Variants in MAMDC4 observed in about 807,000 individuals in gnomAD.
MAMDC4 encodes MAM domain containing 4.
In MAMDC4, 168 loss-of-function variants were observed where a neutral mutation model predicts 153.3. The observed-to-expected ratio is 1.10, with a 90% CI of 0.97 to 1.25. MAMDC4 has a LOEUF of 1.25. MAMDC4 is among the 50% of genes most tolerant of loss of function. The pLI is 0.00. For synonymous variants in MAMDC4, 744 were observed against 651.5 expected (o/e 1.14, Z -2.16); for missense variants, 1,701 against 1,542.8 (o/e 1.10, Z -1.72).
In MAMDC4 at chr9:136,854,002, C is replaced by T. The variant is rs771232486; in HGVS notation, c.596C>T (p.Ser199Phe). Residue 199 changes from serine to phenylalanine, a missense_variant, in exon 6 of 27, where the codon TCT becomes TTT. Physicochemically the swap from Ser to Phe is radical, Grantham distance 155. Transcript: ENST00000317446. ...GCCTGTTCTCTTCAGGTGACCTTCT[C>T]TGCCACCCGAAATGCCACCCACAGG... ...RIRGDFRVTF[S>F]ATRNATHRGA... 21 of 1,612,992 alleles carry T rather than the reference C, an allele frequency of 1.3e-5. No individual in the cohort carries two copies. In the South Asian group the frequency reaches 2.1e-4, roughly 16 times the overall value.
chr9:136,859,287 C>A lies in MAMDC4; in HGVS notation c.3163C>A (p.Gln1055Lys). ...ALDDVEYLAG[Q>K]HCQQPAPSPG... ...GGATGACGTGGAGTATCTGGCTGGG[C>A]AGCATTGCCAGCAGCCTGCCCCCAG... is the stretch of plus-strand genomic sequence containing the variant. Residue 1055 changes from glutamine (Q) to lysine (K), a missense_variant, in exon 25 of 27, where the codon CAG (glutamine) becomes AAG (lysine). Transcript: ENST00000317446. The A allele has an allele frequency of 4.3e-6, 7 of 1,611,598 alleles. No homozygotes were observed. The highest frequency in any genetic ancestry group is 5.9e-6 in the Non-Finnish European group (7 of 1,179,316).
chr9:136,857,092 TCA>T (rs1227329748), intron 16 of MAMDC4, 51 bp downstream of exon 16: 2 of 1,603,242 alleles, frequency 1.2e-6, no homozygotes, highest in African/African-American at 2.7e-5. Context: ...CCCCGGGGGT[TCA>T]GAGTCCCCCG....
Position 136,856,224 on chromosome 9 carries a change from G to A in MAMDC4, c.1720+75G>A, listed in dbSNP as rs748725994. 3.7e-6 allele frequency: 6 copies of A among 1,606,132 alleles called. No individual in the cohort carries two copies. In the South Asian group the frequency reaches 5.5e-5, roughly 15 times the overall value. On this transcript the variant is annotated intron_variant, in intron 14 of 26. Coordinates refer to ENST00000317446, the MANE Select transcript of MAMDC4 (RefSeq NM_206920.3). ...CACAGTGGGAGGGGTCTGGGGCCGG[G>A]TGACCCACAGTGCCCCCCGCCCCGC...
rs1848974647 is a variant in MAMDC4 at position 136,854,543 on chromosome 9, C to G, written c.801C>G (p.Arg267=). The G allele has an allele frequency of 6.2e-7, 1 of 1,604,398 alleles. No homozygotes were observed. The change falls in exon 8 of 27, where the codon CGC becomes CGG. Residue 267 remains arginine (R), a synonymous_variant. Transcript: ENST00000317446. ...LSDENPLTCG[R]HIATDFETGL... is the part of the protein sequence containing the mutation. ...CACGCCCACCTCCTGCCCTAGGCCG[C>G]CACATAGCCACCGACTTTGAGACAG...
At position 136,853,894 on chromosome 9, in the gene MAMDC4, G is replaced by A. The variant is rs144512925; in HGVS notation, c.572G>A (p.Arg191Gln). Residue 191 changes from arginine to glutamine, a missense_variant, in exon 5 of 27, where the codon CGG becomes CAG. Coordinates refer to ENST00000317446, the MANE Select transcript of MAMDC4 (RefSeq NM_206920.3). ...TTGGCAGTGACCACAGGCCGCATCC[G>A]GGGTGACTTCCGAGTGAGCTGGGAG... ...QELAVTTGRI[R>Q]GDFRVTFSAT... 536 of 1,612,586 alleles carry A rather than the reference G, an allele frequency of 3.3e-4. No individual in the cohort carries two copies. Among genetic ancestry groups the A allele is most frequent in the East Asian group, 9.8e-4 (44 of 44,872 alleles).
At position 136,860,696 on chromosome 9, in the gene MAMDC4, G is replaced by A. The variant is rs1849079005; in HGVS notation, c.*93G>A. The A allele has an allele frequency of 7.0e-7, 1 of 1,432,270 alleles. No homozygotes were observed. Among genetic ancestry groups the A allele is most frequent in the African/African-American group, 1.4e-5 (1 of 70,926 alleles). 88.7% of individuals were successfully genotyped at this position (1,432,270 alleles called of 1,614,324 possible). ...CGGACACCTGCCCCGCCCAGGCTGG[G>A]ACAGGCTGCAGGTCTCAGGATATGC... On this transcript the variant is annotated 3_prime_UTR_variant, in exon 27 of 27. Coordinates refer to ENST00000317446, the MANE Select transcript of MAMDC4 (RefSeq NM_206920.3).
chr9:136,857,946 C>T, intron 19 of MAMDC4, 33 bp from the exon 20 acceptor site: 1 of 1,482,520 alleles, frequency 6.7e-7, no homozygotes, highest in Non-Finnish European at 8.9e-7. Context: ...GTGCTCTCCC[C>T]ACACTGCTGA....
chr9:136,855,590 G>A lies in MAMDC4; in HGVS notation c.1442G>A (p.Cys481Tyr). The change falls in exon 12 of 27, where the codon TGC becomes TAC. Residue 481 changes from cysteine (C) to tyrosine (Y), a missense_variant. Cys to Tyr is a radical substitution (Grantham distance 194). Coordinates refer to ENST00000317446, the MANE Select transcript of MAMDC4 (RefSeq NM_206920.3). ...PEQLCDFEEQCAGGEDEQACG... is the reference protein window; with the variant it reads ...PEQLCDFEEQYAGGEDEQACG... ...CAACTGTGTGACTTCGAGGAGCAGTGCGCAGGGGGCGAGGACGAGCAGGCC... is the reference window on the plus strand; with the variant it reads ...CAACTGTGTGACTTCGAGGAGCAGTACGCAGGGGGCGAGGACGAGCAGGCC... 6.3e-7 allele frequency: 1 copy of A among 1,587,214 alleles called. No individual in the cohort carries two copies. Among genetic ancestry groups the A allele is most frequent in the Non-Finnish European group, 8.6e-7 (1 of 1,166,740 alleles).
chr9:136,858,307 T>C, intron 21 of MAMDC4, 31 bp downstream of exon 21: 3 of 1,600,774 alleles, frequency 1.9e-6, no homozygotes, highest in Non-Finnish European at 2.5e-6. Flanking sequence ...TCGGCCCTGC[T>C]CTGGGGTGCC....
At chr9:136,858,353 G>A in intron 21 of MAMDC4, 47 bp from the exon 22 acceptor site, 1 of 1,600,262 alleles carries the variant, frequency 6.2e-7, no homozygotes, top group Non-Finnish European at 8.5e-7. Flanking sequence ...GTGGTGCCCA[G>A]GGCTTGGGCC....
chr9:136,856,234 G>A (rs377735176), intron 14 of MAMDC4, 85 bp downstream of exon 14: 328 of 1,600,358 alleles, frequency 2.0e-4, no homozygotes, highest in South Asian at 2.1e-4. Context: ...GTGACCCACA[G>A]TGCCCCCCGC....
Position 136,854,860 on chromosome 9 carries a change from G to A in MAMDC4, c.1023+10G>A, listed in dbSNP as rs1848980159. The A allele has an allele frequency of 6.2e-7, 1 of 1,612,706 alleles. No homozygotes were observed. Among genetic ancestry groups the A allele is most frequent in the Non-Finnish European group, 8.5e-7 (1 of 1,179,868 alleles). Reference sequence around the variant, plus strand: ...CACCTCCAACTGCTCGGTGAGATGGGTGGGGCTCACAGGGCCTCCCTGCTC... The same window carrying A: ...CACCTCCAACTGCTCGGTGAGATGGATGGGGCTCACAGGGCCTCCCTGCTC... On this transcript the variant is annotated intron_variant, in intron 9 of 26. Transcript: ENST00000317446.
chr9:136,856,273 TGTG>T lies in MAMDC4; in HGVS notation c.1720+129_1720+131del, dbSNP rs763241375. On this transcript the variant is annotated intron_variant, in intron 14 of 26. Coordinates refer to ENST00000317446, the MANE Select transcript of MAMDC4 (RefSeq NM_206920.3). ...GCTGGCCAGGCTTCCTGGCACTAGT[TGTG>T]GTGGACAACGGCTCCCGGGAGCTGG... is the stretch of plus-strand genomic sequence containing the variant. The T allele has an allele frequency of 7.4e-6, 11 of 1,489,472 alleles. No homozygotes were observed. In the South Asian group the frequency reaches 8.0e-5, roughly 11 times the overall value. The allele number at this position is 1,489,472 out of a possible 1,614,324, so 92.3% of individuals were successfully genotyped here. A position where few individuals can be genotyped will look rare whatever the true frequency, so the allele number is the denominator to read the frequency against.
intron 26 of MAMDC4, 39 bp downstream of exon 26, chr9:136,860,103 G>T: frequency 6.6e-7 from 1 of 1,508,562 alleles, no homozygotes; most frequent in South Asian, 1.3e-5. Flanking sequence ...GAGCCTCTGT[G>T]CTCAGCTGTG....
At chr9:136,855,873 A>C (rs754321814) in intron 13 of MAMDC4, 25 bp downstream of exon 13, 1 of 1,479,862 alleles carries the variant, frequency 6.8e-7, no homozygotes, top group East Asian at 2.5e-5. Context: ...CCAAGGCTCA[A>C]GCCCCCGCCC....
chr9:136,855,846 C>G lies in MAMDC4; in HGVS notation c.1586C>G (p.Ala529Gly), dbSNP rs1405217576. 23 of 1,503,464 alleles carry G rather than the reference C, an allele frequency of 1.5e-5. No individual in the cohort carries two copies. Among genetic ancestry groups the G allele is most frequent in the Non-Finnish European group, 2.0e-5 (22 of 1,125,314 alleles). 93.1% of individuals were successfully genotyped at this position (1,503,464 alleles called of 1,614,324 possible). ...AGCCAGGGGTCCAGTGCAGCTGCTGCTGGTGAGGCCCAAGGCCCAAGGCTC... is the reference window on the plus strand; with the variant it reads ...AGCCAGGGGTCCAGTGCAGCTGCTGGTGGTGAGGCCCAAGGCCCAAGGCTC... Reference protein sequence around the residue: ...QESQGSSAAAAGHFLSLQRAW... With the variant: ...QESQGSSAAAGGHFLSLQRAW... Residue 529 changes from alanine (A) to glycine (G), a missense_variant and splice_region_variant, in exon 13 of 27, where the codon GCT becomes GGT. Coordinates refer to ENST00000317446, the MANE Select transcript of MAMDC4 (RefSeq NM_206920.3).
At chr9:136,858,922 AG>A in intron 23 of MAMDC4, 69 bp downstream of exon 23, 2 of 1,548,496 alleles carry the variant, frequency 1.3e-6, no homozygotes, top group Non-Finnish European at 1.7e-6. Flanking sequence ...AGAGGTGGGG[AG>A]GTGGCCTCCC....
Position 136,857,735 on chromosome 9 carries a change from C to T in MAMDC4, c.2403C>T (p.His801=), listed in dbSNP as rs757604678. Residue 801 remains histidine (H), a synonymous_variant, in exon 19 of 27, where the codon CAC becomes CAT. Coordinates refer to ENST00000317446, the MANE Select transcript of MAMDC4 (RefSeq NM_206920.3). ...GQTASLTSKE[H]RPLAQPACLT... ...CGGCCTCCCTGACCTCCAAGGAGCACAGGCCCCTGGCCCAGCCTGCTTGTC... is the reference window on the plus strand; with the variant it reads ...CGGCCTCCCTGACCTCCAAGGAGCATAGGCCCCTGGCCCAGCCTGCTTGTC... 1.9e-6 allele frequency: 3 copies of T among 1,612,570 alleles called. No individual in the cohort carries two copies. The highest frequency in any genetic ancestry group is 1.1e-5 in the South Asian group (1 of 91,074).
intron 16 of MAMDC4, 42 bp downstream of exon 16, chr9:136,857,083 C>T (rs1315011992): frequency 6.2e-7 from 1 of 1,603,228 alleles, no homozygotes; most frequent in East Asian, 2.2e-5. Context: ...TGGGGAGGCC[C>T]CCGGGGGTTC....
Sources: allele counts gnomAD v4.1 joint callset, GRCh38; gene constraint gnomAD v4.1.1; transcripts MANE v1.5; gene names NCBI Gene and HGNC (gene_info 2026-07-23, HGNC 2026-07-21).